CDH9: variants seen among roughly 807,000 people sequenced by gnomAD.
CDH9 encodes the protein cadherin 9.
CDH9 carries 28 observed loss-of-function variants against 70.9 expected under a neutral mutation model. The observed-to-expected ratio is 0.40, with a 90% CI of 0.29 to 0.54. The LOEUF (loss-of-function observed/expected upper bound fraction) is 0.54, where lower values mean the gene tolerates loss of function less well. CDH9 is among the 20% of genes least tolerant of loss of function. The probability of loss-of-function intolerance (pLI) is 0.59; values close to 1 mark genes in which losing one functional copy is unlikely to be tolerated. For missense variants in CDH9, 874 were observed against 984.4 expected, an observed-to-expected ratio of 0.89 and a Z score of 1.50; for synonymous variants, 409 against 343.1, an observed-to-expected ratio of 1.19 and a Z score of -2.12.
intron 2 of CDH9, among the ~76,000 whole-genome samples, chr5:26,943,288 G>A (rs1000355268): frequency 3.9e-5 from 6 of 152,112 alleles, no homozygotes; most frequent in African/African-American, 1.4e-4. Context: ...GAGGCGGGCA[G>A]ATCACCTGAG....
intron 1 of CDH9, among the ~76,000 whole-genome samples, chr5:27,011,733 A>G (rs1022506487): frequency 1.3e-5 from 2 of 152,074 alleles, no homozygotes; most frequent in South Asian, 4.1e-4. Context: ...CATTGAGTCC[A>G]TATTACAAAG....
At chr5:26,937,226 C>T (rs1030979154) in intron 2 of CDH9, among the ~76,000 whole-genome samples, 3 of 152,084 alleles carry the variant, frequency 2.0e-5, no homozygotes, top group African/African-American at 2.4e-5. Flanking sequence ...TGAACAGACA[C>T]CTCACCAAAG....
At chr5:26,989,775 T>C (rs1013255155) in intron 1 of CDH9, among the ~76,000 whole-genome samples, 3 of 152,112 alleles carry the variant, frequency 2.0e-5, no homozygotes, top group Non-Finnish European at 4.4e-5. Flanking sequence ...TAACAAGGTA[T>C]AAAGGTCAAA....
intron 2 of CDH9, among the ~76,000 whole-genome samples, chr5:26,976,508 G>T (rs2112079105): frequency 6.6e-6 from 1 of 152,160 alleles, no homozygotes; most frequent in African/African-American, 2.4e-5. Flanking sequence ...TGCGATCTTG[G>T]CTGACGGCAA....
At chr5:26,935,179 A>G (rs971205760) in intron 2 of CDH9, among the ~76,000 whole-genome samples, 3 of 152,142 alleles carry the variant, frequency 2.0e-5, no homozygotes, top group African/African-American at 7.2e-5. Flanking sequence ...AGTTTCCAAA[A>G]GATATTCATG....
rs1444051457 is a variant in CDH9, at chr5:26,881,243, A to G, written c.2263T>C (p.Ser755Pro). ...SIADSLSSLE[S>P]LTADCNQDYD... Reference sequence around the variant, plus strand: ...TCTTGGTTACAATCAGCTGTGAGAGATTCCAAAGAACTGAGCGAATCTGCT... The same window carrying G: ...TCTTGGTTACAATCAGCTGTGAGAGGTTCCAAAGAACTGAGCGAATCTGCT... The change falls in exon 12 of 12, where the codon TCT becomes CCT. Residue 755 changes from serine (S) to proline (P), a missense_variant. Ser to Pro is a moderately conservative substitution (Grantham distance 74). Coordinates refer to ENST00000231021, the MANE Select transcript of CDH9 (RefSeq NM_016279.4). 2 of 1,613,492 alleles carry G rather than the reference A, an allele frequency of 1.2e-6. No homozygotes were observed. The highest frequency in any genetic ancestry group is 1.7e-6 in the Non-Finnish European group (2 of 1,179,664).
intron 2 of CDH9, among the ~76,000 whole-genome samples, chr5:26,975,512 G>T (rs1186543459): frequency 6.6e-6 from 1 of 152,122 alleles, no homozygotes; most frequent in Admixed American, 6.5e-5. Context: ...TTTTGACTTA[G>T]CACATTTGAA....
intron 1 of CDH9, among the ~76,000 whole-genome samples, chr5:27,000,748 A>G (rs1375692460): frequency 1.3e-5 from 2 of 152,178 alleles, no homozygotes; most frequent in Non-Finnish European, 2.9e-5. Flanking sequence ...ACAGATTGTG[A>G]TAGATTCCTA....
At chr5:26,992,382 G>A (rs2112096068) in intron 1 of CDH9, among the ~76,000 whole-genome samples, 1 of 152,266 alleles carries the variant, frequency 6.6e-6, no homozygotes, top group Admixed American at 6.5e-5. Flanking sequence ...TGTAAGAGAG[G>A]CATGAGAGGG....
chr5:26,996,487 A>G (rs1742667832), intron 1 of CDH9, among the ~76,000 whole-genome samples: 1 of 151,952 alleles, frequency 6.6e-6, no homozygotes, highest in African/African-American at 2.4e-5. Context: ...CTCTCATACC[A>G]GTTGGGGAGA....
chr5:26,908,763 A>G (rs1740993848), intron 3 of CDH9, among the ~76,000 whole-genome samples: 1 of 152,190 alleles, frequency 6.6e-6, no homozygotes, highest in African/African-American at 2.4e-5. Context: ...GCACACATAA[A>G]ATACTTGTTC....
At chr5:26,939,387 A>G (rs1329302420) in intron 2 of CDH9, among the ~76,000 whole-genome samples, 1 of 151,800 alleles carries the variant, frequency 6.6e-6, no homozygotes, top group Non-Finnish European at 1.5e-5. Context: ...GAAATTATAA[A>G]TAACAAATAA....
chr5:26,981,838 C>T (rs914856639), intron 2 of CDH9, among the ~76,000 whole-genome samples: 1 of 151,524 alleles, frequency 6.6e-6, no homozygotes, highest in African/African-American at 2.4e-5. Context: ...GACAACTTAC[C>T]CTTGTCTTAG....
intron 2 of CDH9, among the ~76,000 whole-genome samples, chr5:26,987,383 T>A (rs147933362): frequency 6.6e-6 from 1 of 151,980 alleles, no homozygotes; most frequent in Non-Finnish European, 1.5e-5. Flanking sequence ...AGGAAAAGGA[T>A]GATAGATACA....
chr5:26,962,624 G>A (rs1016042205), intron 2 of CDH9, among the ~76,000 whole-genome samples: 2 of 152,088 alleles, frequency 1.3e-5, no homozygotes, highest in Non-Finnish European at 2.9e-5. Context: ...GTCTTCTTTT[G>A]AGAAGCGTCT....
intron 1 of CDH9, among the ~76,000 whole-genome samples, chr5:27,017,993 G>A (rs1017332933): frequency 1.3e-5 from 2 of 151,350 alleles, no homozygotes; most frequent in African/African-American, 2.4e-5. Flanking sequence ...TATATGTGAC[G>A]GTAATATTAA....
intron 2 of CDH9, among the ~76,000 whole-genome samples, chr5:26,928,007 G>A (rs979864436): frequency 1.3e-5 from 2 of 151,902 alleles, no homozygotes; most frequent in Non-Finnish European, 2.9e-5. Flanking sequence ...TTCATATAGA[G>A]GTGTGAAGAA....
intron 11 of CDH9, among the ~76,000 whole-genome samples, chr5:26,883,041 TTATATATATATATATATA>T (rs59145200): frequency 0.048 from 2,795 of 58,018 alleles, 227 homozygotes; most frequent in Non-Finnish European, 0.053. Flanking sequence ...CAGGATCATC[TTATATATATATATATATA>T]TATATATATA....
intron 2 of CDH9, among the ~76,000 whole-genome samples, chr5:26,960,302 A>T (rs944130315): frequency 3.9e-5 from 6 of 152,044 alleles, no homozygotes; most frequent in African/African-American, 1.4e-4. Flanking sequence ...TCTAAAAATT[A>T]TGAATTAAAT....
Sources: allele counts gnomAD v4.1 joint callset (sites outside exome capture counted in the v4.1 genomes callset), GRCh38; gene constraint gnomAD v4.1.1; transcripts MANE v1.5; gene names NCBI Gene and HGNC (gene_info 2026-07-23, HGNC 2026-07-21).